MAGI2: variants seen among roughly 807,000 people sequenced by gnomAD.
MAGI2 encodes the protein membrane associated guanylate kinase, WW and PDZ domain containing 2.
MAGI2 carries 35 observed loss-of-function variants against 133.3 expected under a neutral mutation model. That is an observed-to-expected ratio of 0.26 (90% CI 0.20 to 0.35). The LOEUF is 0.35. Among genes scored for constraint, MAGI2 ranks in the 10% least tolerant of loss-of-function variants. The pLI, the probability that MAGI2 is intolerant of heterozygous loss-of-function variation, is 1.00. For missense variants in MAGI2, 1,636 were observed against 1,863.4 expected (o/e 0.88, Z 2.25); for synonymous variants, 729 against 710.6 (o/e 1.03, Z -0.41).
chr7:78,586,844 C>T (rs1339336135), intron 3 of MAGI2, among the ~76,000 whole-genome samples: 1 of 152,166 alleles, frequency 6.6e-6, no homozygotes, highest in Non-Finnish European at 1.5e-5. Flanking sequence ...TTTTGTGACT[C>T]GCCTTTTTCA....
intron 16 of MAGI2, among the ~76,000 whole-genome samples, chr7:78,149,157 A>C (rs542816588): frequency 6.6e-6 from 1 of 152,332 alleles, no homozygotes; most frequent in Admixed American, 6.5e-5. Context: ...CTCATTTCAA[A>C]TGCTCCACAG....
chr7:78,562,426 C>T (rs1292302825), intron 3 of MAGI2, among the ~76,000 whole-genome samples: 1 of 152,088 alleles, frequency 6.6e-6, no homozygotes, highest in Non-Finnish European at 1.5e-5. Flanking sequence ...TGCTCATGTG[C>T]CATTTTCACA....
chr7:78,454,819 G>A (rs925392428), intron 6 of MAGI2, among the ~76,000 whole-genome samples: 2 of 152,042 alleles, frequency 1.3e-5, no homozygotes, highest in East Asian at 1.9e-4. Context: ...AGTCTGAAAG[G>A]CTACATACTA....
intron 3 of MAGI2, among the ~76,000 whole-genome samples, chr7:78,626,076 T>C (rs1778776755): frequency 6.6e-6 from 1 of 152,200 alleles, no homozygotes; most frequent in African/African-American, 2.4e-5. Flanking sequence ...TATTTGATGA[T>C]GTTTGGTGAA....
chr7:78,493,179 A>T (rs1452476564), intron 5 of MAGI2, among the ~76,000 whole-genome samples: 2 of 152,212 alleles, frequency 1.3e-5, no homozygotes, highest in Non-Finnish European at 2.9e-5. Flanking sequence ...GTTTAAATTC[A>T]TATCAGAATG....
At chr7:79,101,763 A>G (rs1818008314) in intron 1 of MAGI2, among the ~76,000 whole-genome samples, 2 of 150,646 alleles carry the variant, frequency 1.3e-5, no homozygotes, top group African/African-American at 2.4e-5. Context: ...AGGAAAATGG[A>G]CTAATGTTAA....
chr7:79,310,113 G>A (rs1221185028), intron 1 of MAGI2, among the ~76,000 whole-genome samples: 5 of 121,398 alleles, frequency 4.1e-5, no homozygotes, highest in East Asian at 2.8e-4. Context: ...GCAACAAGCC[G>A]AGATCGTGCT....
intron 10 of MAGI2, among the ~76,000 whole-genome samples, chr7:78,220,108 C>T (rs1206222004): frequency 6.6e-6 from 1 of 152,306 alleles, no homozygotes; most frequent in Admixed American, 6.5e-5. Context: ...CAAAGTTCCA[C>T]CTCAGAGCCC....
chr7:79,050,150 T>C (rs965647604), intron 1 of MAGI2, among the ~76,000 whole-genome samples: 1 of 152,170 alleles, frequency 6.6e-6, no homozygotes, highest in African/African-American at 2.4e-5. Flanking sequence ...AAGTTTCAGC[T>C]AGAAGTCTGT....
intron 6 of MAGI2, among the ~76,000 whole-genome samples, chr7:78,420,055 C>G (rs1798657260): frequency 6.6e-6 from 1 of 152,082 alleles, no homozygotes; most frequent in South Asian, 2.1e-4. Flanking sequence ...TTATTCAAAC[C>G]TTTTTGAGTT....
chr7:79,146,053 AT>A (rs367910992), intron 1 of MAGI2, among the ~76,000 whole-genome samples: 2,020 of 148,392 alleles, frequency 0.014, 37 homozygotes, highest in African/African-American at 0.041. Flanking sequence ...GATGTAAGAG[AT>A]TTTTTTTTTT....
intron 2 of MAGI2, among the ~76,000 whole-genome samples, chr7:78,877,246 T>C (rs1290525049): frequency 6.6e-6 from 1 of 152,224 alleles, no homozygotes; most frequent in Non-Finnish European, 1.5e-5. Context: ...GAGAGTTTTG[T>C]TGTGTTATGT....
intron 1 of MAGI2, among the ~76,000 whole-genome samples, chr7:79,186,234 A>T (rs28531836): frequency 0.19 from 24,527 of 127,658 alleles, 5,479 homozygotes; most frequent in African/African-American, 0.53. Context: ...ATATATATAT[A>T]TATATATATT....
At chr7:79,360,210 T>G (rs1842295566) in intron 1 of MAGI2, among the ~76,000 whole-genome samples, 1 of 152,100 alleles carries the variant, frequency 6.6e-6, no homozygotes, top group South Asian at 2.1e-4. Context: ...ATGTTATAAA[T>G]AGAATGATGT....
rs146166451 is a variant in MAGI2 at position 79,117,255 on chromosome 7, A to G, written c.302-110049T>C. Among the ~76,000 whole-genome samples, 550 of 152,290 alleles carry G rather than the reference A, an allele frequency of 3.6e-3. 3 individuals are homozygous for G. Among genetic ancestry groups the G allele is most frequent in the African/African-American group, 0.012 (513 of 41,566 alleles). On this transcript the variant is annotated intron_variant, in intron 1 of 21. Transcript: ENST00000354212. ...CCCACTAAGAAAATCAATAAACTGAACTATTTTTGCTGCAATATTTTAACA... is the reference window on the plus strand; with the variant it reads ...CCCACTAAGAAAATCAATAAACTGAGCTATTTTTGCTGCAATATTTTAACA...
intron 10 of MAGI2, among the ~76,000 whole-genome samples, chr7:78,227,561 G>A (rs759827175): frequency 6.6e-6 from 1 of 152,108 alleles, no homozygotes; most frequent in African/African-American, 2.4e-5. Flanking sequence ...ACCTTCAGGC[G>A]ATTCTTTTCC....
At chr7:78,346,396 T>C (rs553305457) in intron 7 of MAGI2, among the ~76,000 whole-genome samples, 66 of 152,276 alleles carry the variant, frequency 4.3e-4, no homozygotes, top group African/African-American at 1.5e-3. Flanking sequence ...TACTGAATGG[T>C]ATTGAAGAAA....
intron 9 of MAGI2, among the ~76,000 whole-genome samples, chr7:78,257,003 AT>A (rs199705673): frequency 2.0e-4 from 30 of 151,498 alleles, no homozygotes; most frequent in African/African-American, 5.1e-4. Flanking sequence ...GCCCTAGCAT[AT>A]TTTTTTTTGT....
chr7:78,163,245 C>T (rs771810925), intron 15 of MAGI2, among the ~76,000 whole-genome samples: 1 of 152,118 alleles, frequency 6.6e-6, no homozygotes, highest in Non-Finnish European at 1.5e-5. Flanking sequence ...TCATGCCGTT[C>T]TCCTGTCTTA....
Sources: allele counts gnomAD v4.1 joint callset (sites outside exome capture counted in the v4.1 genomes callset), GRCh38; gene constraint gnomAD v4.1.1; transcripts MANE v1.5; gene names NCBI Gene and HGNC (gene_info 2026-07-23, HGNC 2026-07-21).